The following FRAS1 variants were observed in gnomAD, a reference collection of about 807,000 sequenced individuals.
The protein encoded by FRAS1 is extracellular matrix organizing protein FRAS1.
A neutral mutation model predicts 435.2 loss-of-function variants in FRAS1; 290 were observed. The ratio of observed to expected loss-of-function variants is 0.67; its 90% CI spans 0.61 to 0.73. The LOEUF (loss-of-function observed/expected upper bound fraction) is 0.73, where lower values mean the gene tolerates loss of function less well. FRAS1 is among the 30% of genes least tolerant of loss of function. The pLI is 0.00. For missense variants in FRAS1, 4,860 were observed against 5,001.5 expected, an observed-to-expected ratio of 0.97 and a Z score of 0.85; for synonymous variants, 1,800 against 1,851.0, an observed-to-expected ratio of 0.97 and a Z score of 0.71.
chr4:78,345,782 T>A (rs1209421062), intron 20 of FRAS1, among the ~76,000 whole-genome samples: 1 of 152,136 alleles, frequency 6.6e-6, no homozygotes, highest in Admixed American at 6.5e-5. Context: ...ATTGAATATT[T>A]CAAGGCATTT....
At chr4:78,486,660 C>T (rs932061538) in intron 58 of FRAS1, among the ~76,000 whole-genome samples, 1 of 152,058 alleles carries the variant, frequency 6.6e-6, no homozygotes, top group Non-Finnish European at 1.5e-5. Context: ...TAACACAATG[C>T]CTGACTTACA....
rs367708548 is a variant in FRAS1 at position 78,472,237 on chromosome 4, G to A, written c.7429G>A (p.Ala2477Thr). 6.1e-5 allele frequency: 99 copies of A among 1,613,876 alleles called. No individual in the cohort carries two copies. The highest frequency in any genetic ancestry group is 1.3e-4 in the Admixed American group (8 of 60,016). ...LLTMDPDTED[A>T]QLVYEITTGP... is the part of the protein sequence containing the mutation. ...GACCATGGACCCAGACACCGAGGAC[G>A]CGCAGCTTGTCTATGAGATAACGAC... The change falls in exon 52 of 74, where the codon GCG becomes ACG. Residue 2477 changes from alanine to threonine, a missense_variant. Coordinates refer to ENST00000512123, the MANE Select transcript of FRAS1 (RefSeq NM_025074.7).
intron 23 of FRAS1, among the ~76,000 whole-genome samples, chr4:78,371,744 C>T (rs1364588299): frequency 6.6e-6 from 1 of 152,168 alleles, no homozygotes; most frequent in Non-Finnish European, 1.5e-5. Flanking sequence ...GTAGCACTTC[C>T]CTTACCAGCT....
At chr4:78,213,953 T>C (rs1043929145) in intron 2 of FRAS1, among the ~76,000 whole-genome samples, 4 of 152,190 alleles carry the variant, frequency 2.6e-5, no homozygotes, top group Non-Finnish European at 4.4e-5. Context: ...CACAGATAAC[T>C]TTAATAGGTG....
At chr4:78,095,423 T>C (rs1741749136) in intron 2 of FRAS1, among the ~76,000 whole-genome samples, 1 of 152,236 alleles carries the variant, frequency 6.6e-6, no homozygotes, top group South Asian at 2.1e-4. Context: ...TATTATGTTA[T>C]CTTGGTTCTG....
intron 2 of FRAS1, among the ~76,000 whole-genome samples, chr4:78,216,570 T>G (rs1723777412): frequency 6.6e-6 from 1 of 152,188 alleles, no homozygotes; most frequent in Non-Finnish European, 1.5e-5. Flanking sequence ...GGGGAACAGG[T>G]CATAGTTTAT....
At chr4:78,446,606 G>C in intron 42 of FRAS1, 121 bp from the exon 43 acceptor site, 1 of 1,425,860 alleles carries the variant, frequency 7.0e-7, no homozygotes. Context: ...TAAAGATGGT[G>C]CCACATTAAA....
chr4:78,158,831 G>A (rs575523775), intron 2 of FRAS1, among the ~76,000 whole-genome samples: 5 of 152,128 alleles, frequency 3.3e-5, no homozygotes, highest in Admixed American at 1.3e-4. Context: ...TATTTATGCC[G>A]CTGCCGTTCC....
At chr4:78,354,023 T>TAAAAAAAAAAAAAA (rs767987937) in intron 20 of FRAS1, among the ~76,000 whole-genome samples, 1 of 106,056 alleles carries the variant, frequency 9.4e-6, no homozygotes, top group Non-Finnish European at 2.2e-5. Flanking sequence ...AAAAATAAAA[T>TAAAAAAAAAAAAAA]AAAAAAAAAA....
rs775259788 is a variant in FRAS1, at chr4:78,282,865, C to T, written c.1153C>T (p.Arg385Ter). 12 of 1,612,888 alleles carry T rather than the reference C, an allele frequency of 7.4e-6. No homozygotes were observed. The highest frequency in any genetic ancestry group is 1.0e-5 in the Non-Finnish European group (12 of 1,179,630). ...EDGPCKVCEC[R>*]GAQVTCYEPS... ...TGGCCCTTGCAAGGTGTGTGAGTGC[C>T]GAGGGGCTCAGGTAACTTGCTACGA... Residue 385 changes from arginine to a stop codon, truncating the protein, a stop_gained, in exon 12 of 74, where the codon CGA (arginine) becomes TGA (stop). Coordinates refer to ENST00000512123, the MANE Select transcript of FRAS1 (RefSeq NM_025074.7). LOFTEE classifies it high-confidence loss of function.
At chr4:78,274,637 C>G (rs1283313014) in intron 9 of FRAS1, among the ~76,000 whole-genome samples, 1 of 152,186 alleles carries the variant, frequency 6.6e-6, no homozygotes, top group Non-Finnish European at 1.5e-5. Flanking sequence ...GAGTGAGTTT[C>G]TTAATCCTGA....
At chr4:78,481,333 T>C (rs750606620) in intron 56 of FRAS1, among the ~76,000 whole-genome samples, 49 of 152,302 alleles carry the variant, frequency 3.2e-4, no homozygotes, top group African/African-American at 9.1e-4. Flanking sequence ...GTTAGGAACA[T>C]TTAATTAGAA....
chr4:78,077,380 A>G (rs1740690873), intron 2 of FRAS1, among the ~76,000 whole-genome samples: 1 of 152,182 alleles, frequency 6.6e-6, no homozygotes, highest in Admixed American at 6.6e-5. Context: ...AAAAAACAAA[A>G]CTAAAACCAA....
chr4:78,367,420 AAAAAG>A (rs1388585790), intron 22 of FRAS1, among the ~76,000 whole-genome samples: 3 of 151,918 alleles, frequency 2.0e-5, no homozygotes, highest in South Asian at 2.1e-4. Flanking sequence ...AAAAAAAAAA[AAAAAG>A]AAGATTCAGG....
intron 18 of FRAS1, among the ~76,000 whole-genome samples, chr4:78,322,415 AT>A (rs1469496144): frequency 1.3e-5 from 2 of 152,184 alleles, no homozygotes; most frequent in African/African-American, 4.8e-5. Flanking sequence ...CATATGCACT[AT>A]TGAGGGTTTC....
chr4:78,516,853 C>T (rs1020347207), intron 66 of FRAS1, among the ~76,000 whole-genome samples: 1 of 152,194 alleles, frequency 6.6e-6, no homozygotes, highest in African/African-American at 2.4e-5. Context: ...CCTCCCTTGA[C>T]ATGTAGGGAT....
In FRAS1 at chr4:78,534,721, C is replaced by G. The variant is rs1721828033; in HGVS notation, c.11092+106C>G. The G allele has an allele frequency of 2.9e-6, 3 of 1,028,522 alleles. No individual in the cohort carries two copies. The Admixed American group carries it at 7.3e-5, about 25-fold the overall frequency. 63.7% of individuals were successfully genotyped at this position (1,028,522 alleles called of 1,614,324 possible). A position where few individuals can be genotyped will look rare whatever the true frequency, so the allele number is the denominator to read the frequency against. On this transcript the variant is annotated intron_variant, in intron 71 of 73. Transcript: ENST00000512123. ...TGCTCATATGCTCTCAGTCACCACCCCAGTAAAGATCCCCCAGGGTTGGTT... is the reference window on the plus strand; with the variant it reads ...TGCTCATATGCTCTCAGTCACCACCGCAGTAAAGATCCCCCAGGGTTGGTT...
At position 78,174,804 on chromosome 4, in the gene FRAS1, T is replaced by C. The variant is rs78870879; in HGVS notation, c.109-62706T>C. On this transcript the variant is annotated intron_variant, in intron 2 of 73. Transcript: ENST00000512123. The stretch of plus-strand genomic sequence containing the variant: ...TAGGCAACAGAACACAGTCTAAATC[T>C]TGAGCCATTTGCTTTGGGAATACCT... 9.2e-3 allele frequency among the ~76,000 whole-genome samples: 1,407 copies of C among 152,320 alleles called. 19 individuals are homozygous for C. Among genetic ancestry groups the C allele is most frequent in the African/African-American group, 0.032 (1,325 of 41,572 alleles).
chr4:78,134,149 G>A (rs749341219), intron 2 of FRAS1, among the ~76,000 whole-genome samples: 26 of 151,724 alleles, frequency 1.7e-4, no homozygotes, highest in Admixed American at 3.3e-4. Flanking sequence ...TTGTAGAGGT[G>A]GGGTTTCGAG....
Sources: gnomAD v4.1 joint callset for allele counts (sites outside exome capture counted in the v4.1 genomes callset) on GRCh38, gnomAD v4.1.1 for gene constraint, MANE v1.5 for transcripts, NCBI Gene and HGNC (gene_info 2026-07-23, HGNC 2026-07-21) for gene names.